The following LDB2 variants were observed in gnomAD, a reference collection of about 807,000 sequenced individuals.
LDB2 encodes LIM domain binding 2.
LDB2 carries 12 observed loss-of-function variants against 44.3 expected under a neutral mutation model. The ratio of observed to expected loss-of-function variants is 0.27; its 90% CI spans 0.17 to 0.44. LDB2 has a LOEUF of 0.44. Among genes scored for constraint, LDB2 ranks in the 20% least tolerant of loss-of-function variants. LDB2 has a pLI of 1.00. For missense variants in LDB2, 344 were observed against 473.5 expected, an observed-to-expected ratio of 0.73 and a Z score of 2.54; for synonymous variants, 164 against 174.8, an observed-to-expected ratio of 0.94 and a Z score of 0.49.
At chr4:16,666,028 A>C (rs182374304) in intron 2 of LDB2, among the ~76,000 whole-genome samples, 2 of 152,268 alleles carry the variant, frequency 1.3e-5, no homozygotes, top group East Asian at 3.9e-4. Context: ...AGAAACAACC[A>C]ACGCTGCCGA....
At chr4:16,713,125 A>G (rs1353418606) in intron 2 of LDB2, among the ~76,000 whole-genome samples, 1 of 152,232 alleles carries the variant, frequency 6.6e-6, no homozygotes, top group Non-Finnish European at 1.5e-5. Flanking sequence ...TTCATTGAAA[A>G]TGTCCAAAAT....
chr4:16,586,648 T>C (rs1415719322), intron 4 of LDB2, among the ~76,000 whole-genome samples: 1 of 151,982 alleles, frequency 6.6e-6, no homozygotes, highest in African/African-American at 2.4e-5. Flanking sequence ...ACTGTAAGAG[T>C]AAGTATCACA....
Position 16,576,614 on chromosome 4 carries a change from C to T in LDB2, c.615+9308G>A, listed in dbSNP as rs114183499. ...AAAAAGGCTTTCAGCAAAGAAAAGC[C>T]CAGGAGCTGGTGGCTTTACTGCTGA... is the stretch of plus-strand genomic sequence containing the variant. On this transcript the variant is annotated intron_variant, in intron 5 of 7. Coordinates refer to ENST00000304523, the MANE Select transcript of LDB2 (RefSeq NM_001290.5). Among the ~76,000 whole-genome samples, 497 of 152,016 alleles carry T rather than the reference C, an allele frequency of 3.3e-3. 2 individuals are homozygous for T. Among genetic ancestry groups the T allele is most frequent in the Non-Finnish European group, 3.9e-3 (262 of 67,970 alleles).
chr4:16,560,834 C>A (rs1741863244), intron 5 of LDB2, among the ~76,000 whole-genome samples: 1 of 152,132 alleles, frequency 6.6e-6, no homozygotes, highest in Non-Finnish European at 1.5e-5. Context: ...TACTGGCAAA[C>A]CGAATCCAGC....
intron 6 of LDB2, among the ~76,000 whole-genome samples, chr4:16,509,917 A>C (rs1011448803): frequency 6.6e-6 from 1 of 152,156 alleles, no homozygotes; most frequent in South Asian, 2.1e-4. Flanking sequence ...GGAATTCGAG[A>C]CCAACTTGGG....
At chr4:16,737,379 C>T (rs1159672162) in intron 2 of LDB2, among the ~76,000 whole-genome samples, 1 of 152,068 alleles carries the variant, frequency 6.6e-6, no homozygotes, top group East Asian at 1.9e-4. Flanking sequence ...TAGGCATCAG[C>T]CCCCACTCCT....
At chr4:16,568,336 G>A (rs893636680) in intron 5 of LDB2, among the ~76,000 whole-genome samples, 4 of 152,198 alleles carry the variant, frequency 2.6e-5, no homozygotes, top group African/African-American at 7.2e-5. Flanking sequence ...TTAAACGGGA[G>A]TACAAAGGAT....
chr4:16,770,432 G>A (rs1267921557), intron 1 of LDB2, among the ~76,000 whole-genome samples: 1 of 152,160 alleles, frequency 6.6e-6, no homozygotes, highest in African/African-American at 2.4e-5. Context: ...TTGTGAAACA[G>A]GGGCTTTGAT....
At chr4:16,719,984 C>T (rs56952987) in intron 2 of LDB2, among the ~76,000 whole-genome samples, 1 of 151,978 alleles carries the variant, frequency 6.6e-6, no homozygotes, top group Non-Finnish European at 1.5e-5. Flanking sequence ...AAAATCAAAG[C>T]TAATTTAAAT....
At chr4:16,711,690 T>C (rs1755902812) in intron 2 of LDB2, among the ~76,000 whole-genome samples, 1 of 152,080 alleles carries the variant, frequency 6.6e-6, no homozygotes, top group Admixed American at 6.6e-5. Flanking sequence ...TTTCAAAAAT[T>C]ACTACAAAGC....
At chr4:16,538,363 AG>A (rs1732567690) in intron 5 of LDB2, among the ~76,000 whole-genome samples, 1 of 152,184 alleles carries the variant, frequency 6.6e-6, no homozygotes, top group South Asian at 2.1e-4. Flanking sequence ...CCTGCTGCCC[AG>A]GCTGTTTTCT....
chr4:16,617,549 C>T (rs1237147312), intron 2 of LDB2, among the ~76,000 whole-genome samples: 1 of 152,098 alleles, frequency 6.6e-6, no homozygotes, highest in African/African-American at 2.4e-5. Flanking sequence ...TCGGGACACA[C>T]TCGGTTTTGT....
At chr4:16,826,546 C>T (rs967335796) in intron 1 of LDB2, 1 of 152,130 alleles carries the variant, frequency 6.6e-6, no homozygotes, top group African/African-American at 2.4e-5. Flanking sequence ...ATGCAAAAGA[C>T]ATTGTCTTTC....
chr4:16,827,329 G>A (rs1034310388), intron 1 of LDB2, among the ~76,000 whole-genome samples: 1 of 152,182 alleles, frequency 6.6e-6, no homozygotes, highest in African/African-American at 2.4e-5. Flanking sequence ...AAAAAGGAGT[G>A]TAGAGCTATG....
chr4:16,545,722 C>T (rs1183585758), intron 5 of LDB2, among the ~76,000 whole-genome samples: 1 of 152,184 alleles, frequency 6.6e-6, no homozygotes, highest in East Asian at 1.9e-4. Context: ...CTGACAGCCC[C>T]TGCAGTTACA....
chr4:16,556,183 A>G (rs951214911), intron 5 of LDB2, among the ~76,000 whole-genome samples: 1 of 152,340 alleles, frequency 6.6e-6, no homozygotes, highest in African/African-American at 2.4e-5. Context: ...TGAAATTATA[A>G]ACATATTTTT....
At chr4:16,562,378 A>C (rs553534559) in intron 5 of LDB2, among the ~76,000 whole-genome samples, 1 of 152,306 alleles carries the variant, frequency 6.6e-6, no homozygotes, top group African/African-American at 2.4e-5. Flanking sequence ...TACAAGAAAA[A>C]AACAACCCCA....
At chr4:16,873,662 C>G (rs1439652913) in intron 1 of LDB2, among the ~76,000 whole-genome samples, 1 of 152,006 alleles carries the variant, frequency 6.6e-6, no homozygotes, top group Non-Finnish European at 1.5e-5. Context: ...TTATATTATT[C>G]TGCATATTTT....
chr4:16,615,204 C>T (rs1435363658), intron 2 of LDB2, among the ~76,000 whole-genome samples: 2 of 151,964 alleles, frequency 1.3e-5, no homozygotes, highest in African/African-American at 2.4e-5. Context: ...AGCAATTCCT[C>T]AAGGATCTAG....
Sources: allele counts gnomAD v4.1 joint callset (sites outside exome capture counted in the v4.1 genomes callset), GRCh38; gene constraint gnomAD v4.1.1; transcripts MANE v1.5; gene names NCBI Gene and HGNC (gene_info 2026-07-23, HGNC 2026-07-21).